FAXC: variants seen among roughly 807,000 people sequenced by gnomAD.
FAXC encodes failed axon connections homolog, metaxin like GST domain containing.
A neutral mutation model predicts 41.9 loss-of-function variants in FAXC; 10 were observed. That is an observed-to-expected ratio of 0.24 (90% CI 0.15 to 0.41). The LOEUF (loss-of-function observed/expected upper bound fraction) is 0.41, where lower values mean the gene tolerates loss of function less well. FAXC is among the 10% of genes least tolerant of loss of function. The probability of loss-of-function intolerance (pLI) is 1.00; values close to 1 mark genes in which losing one functional copy is unlikely to be tolerated. For synonymous variants in FAXC, 183 were observed against 183.8 expected (o/e 1.00, Z 0.03); for missense variants, 399 against 510.9 (o/e 0.78, Z 2.11).
intron 4 of FAXC, among the ~76,000 whole-genome samples, chr6:99,294,840 T>G (rs1771418789): frequency 2.0e-5 from 3 of 150,642 alleles, no homozygotes; most frequent in African/African-American, 7.4e-5. Context: ...AAAAATCATT[T>G]GAACCCACAC....
rs1772978673 is a variant in FAXC at position 99,330,127 on chromosome 6, T to C, written c.599+3224A>G. On this transcript the variant is annotated intron_variant, in intron 3 of 5. Transcript: ENST00000389677. ...CTCCTACCTCAGCTTCACAAAGTGC[T>C]GAGATTACAAGCACGAGCCACCACG... is the stretch of plus-strand genomic sequence containing the variant. 2.0e-5 allele frequency among the ~76,000 whole-genome samples: 3 copies of C among 152,168 alleles called. No homozygotes were observed. The South Asian group carries it at 6.2e-4, about 32-fold the overall frequency.
Position 99,283,090 on chromosome 6 carries a change from G to A in FAXC, c.941-1637C>T, listed in dbSNP as rs577711817. ...CTTTATGAATCCCCTATCACAGGTC[G>A]TTTAGGTTGTTTCCATATTAATGGT... On this transcript the variant is annotated intron_variant, in intron 5 of 5. Coordinates refer to ENST00000389677, the MANE Select transcript of FAXC (RefSeq NM_032511.4). Among the ~76,000 whole-genome samples, 15 of 152,226 alleles carry A rather than the reference G, an allele frequency of 9.9e-5. No individual in the cohort carries two copies. The South Asian group carries it at 2.7e-3, about 27-fold the overall frequency.
chr6:99,349,584 GC>G lies in FAXC; in HGVS notation c.-213del. 1 of 174,800 alleles carries G rather than the reference GC, an allele frequency of 5.7e-6. No homozygotes were observed. The highest frequency in any genetic ancestry group is 1.1e-5 in the Non-Finnish European group (1 of 88,310). 10.8% of individuals were successfully genotyped at this position (174,800 alleles called of 1,614,324 possible). On this transcript the variant is annotated 5_prime_UTR_variant, in exon 1 of 6. Coordinates refer to ENST00000389677, the MANE Select transcript of FAXC (RefSeq NM_032511.4). ...GCGGACGGCGGGCCTGGCCGGCGGG[GC>G]CCCAGAGCCCTGGGCGGCAGCAGCG...
At chr6:99,343,108 C>T (rs1773480452) in intron 1 of FAXC, 75 bp from the exon 2 acceptor site, 3 of 1,381,828 alleles carry the variant, frequency 2.2e-6, no homozygotes, top group Non-Finnish European at 2.0e-6. Context: ...CTTGAGAGGA[C>T]CCTGCAGGGT....
At chr6:99,323,771 A>G (rs1582667593) in intron 3 of FAXC, 104 bp from the exon 4 acceptor site, 1 of 802,194 alleles carries the variant, frequency 1.2e-6, no homozygotes, top group East Asian at 2.7e-5. Context: ...CTCTGGAGGA[A>G]CTGAATAACT....
intron 1 of FAXC, among the ~76,000 whole-genome samples, chr6:99,344,695 A>G (rs1381119724): frequency 1.3e-5 from 2 of 152,258 alleles, no homozygotes; most frequent in African/African-American, 2.4e-5. Context: ...GAACTCATTT[A>G]GACAATGTTC....
intron 2 of FAXC, among the ~76,000 whole-genome samples, chr6:99,339,992 T>C (rs1032437083): frequency 2.6e-5 from 4 of 152,200 alleles, no homozygotes; most frequent in South Asian, 4.1e-4. Flanking sequence ...AAACAGGATA[T>C]ATAAAGACCC....
intron 4 of FAXC, among the ~76,000 whole-genome samples, chr6:99,304,767 T>C (rs1450340472): frequency 6.6e-6 from 1 of 152,116 alleles, no homozygotes; most frequent in African/African-American, 2.4e-5. Flanking sequence ...GATGACAATG[T>C]CCACAGGCAA....
chr6:99,279,312 C>T lies in FAXC; in HGVS notation c.*1852G>A, dbSNP rs1461947278. The T allele has an allele frequency of 5.9e-5, 9 of 152,210 alleles. No individual in the cohort carries two copies. Among genetic ancestry groups the T allele is most frequent in the Non-Finnish European group, 1.0e-4 (7 of 68,046 alleles). The allele number at this position is 152,210 out of a possible 1,614,324, so 9.4% of individuals were successfully genotyped here. A position where few individuals can be genotyped will look rare whatever the true frequency, so the allele number is the denominator to read the frequency against. ...TTTCCCATGGAATAAGAATTTCTAACTTAGGGTATCTCAGCACGTATTCCC... is the reference window on the plus strand; with the variant it reads ...TTTCCCATGGAATAAGAATTTCTAATTTAGGGTATCTCAGCACGTATTCCC... On this transcript the variant is annotated 3_prime_UTR_variant, in exon 6 of 6. Coordinates refer to ENST00000389677, the MANE Select transcript of FAXC (RefSeq NM_032511.4).
intron 3 of FAXC, among the ~76,000 whole-genome samples, chr6:99,330,849 G>A (rs904048403): frequency 6.6e-6 from 1 of 152,188 alleles, no homozygotes; most frequent in Non-Finnish European, 1.5e-5. Flanking sequence ...TCCACAGGTA[G>A]ACATTTTGTG....
chr6:99,343,984 T>C (rs542956605), intron 1 of FAXC, among the ~76,000 whole-genome samples: 2 of 152,288 alleles, frequency 1.3e-5, no homozygotes, highest in South Asian at 2.1e-4. Context: ...CTTCCCTGCA[T>C]ACAGCTTTTC....
intron 5 of FAXC, among the ~76,000 whole-genome samples, chr6:99,290,101 CCACA>C (rs34319104): frequency 0.022 from 3,198 of 142,550 alleles, 49 homozygotes; most frequent in Non-Finnish European, 0.035. Flanking sequence ...CCCTACCCCA[CCACA>C]CACACACACA....
At chr6:99,338,202 A>G (rs748471270) in intron 2 of FAXC, among the ~76,000 whole-genome samples, 2 of 152,154 alleles carry the variant, frequency 1.3e-5, no homozygotes, top group Admixed American at 6.6e-5. Context: ...TACAGACTTC[A>G]CAGAAGAAAA....
intron 3 of FAXC, among the ~76,000 whole-genome samples, chr6:99,327,632 A>T (rs1772863523): frequency 6.6e-6 from 1 of 151,720 alleles, no homozygotes; most frequent in Non-Finnish European, 1.5e-5. Flanking sequence ...TCTAACTCAC[A>T]CCTATGACTT....
At position 99,303,377 on chromosome 6, in the gene FAXC, C is replaced by A. The variant is rs145464553; in HGVS notation, c.824-11557G>T. Among the ~76,000 whole-genome samples the A allele has an allele frequency of 2.3e-3, 356 of 152,290 alleles. 1 individual carries two copies. The highest frequency in any genetic ancestry group is 7.6e-3 in the African/African-American group (314 of 41,554). ...TAGTAAATGGCAACTATTTATAATA[C>A]CTTGCCCTTAAATATTTTAGACCAA... On this transcript the variant is annotated intron_variant, in intron 4 of 5. Transcript: ENST00000389677.
At chr6:99,342,423 T>G (rs915019087) in intron 2 of FAXC, among the ~76,000 whole-genome samples, 1 of 151,872 alleles carries the variant, frequency 6.6e-6, no homozygotes, top group African/African-American at 2.4e-5. Context: ...CGGCTCACTG[T>G]AACCTCTGCT....
rs112154793 is a variant in FAXC, at chr6:99,276,378, C to T, written c.*4786G>A. On this transcript the variant is annotated 3_prime_UTR_variant, in exon 6 of 6. Coordinates refer to ENST00000389677, the MANE Select transcript of FAXC (RefSeq NM_032511.4). ...GCTGGTTGCCCTATCCATGCAGAAG[C>T]GGTGGGTTTCAGGGCTGAAAGGAAG... 1 of 152,280 alleles carries T rather than the reference C, an allele frequency of 6.6e-6. No individual in the cohort carries two copies. The highest frequency in any genetic ancestry group is 2.4e-5 in the African/African-American group (1 of 41,558). 9.4% of individuals were successfully genotyped at this position (152,280 alleles called of 1,614,324 possible).
chr6:99,319,894 T>C (rs1772529445), intron 4 of FAXC, among the ~76,000 whole-genome samples: 1 of 152,234 alleles, frequency 6.6e-6, no homozygotes, highest in Admixed American at 6.5e-5. Flanking sequence ...AATTCTCTCA[T>C]TAACTGTAAT....
At chr6:99,307,751 T>C (rs1771983118) in intron 4 of FAXC, among the ~76,000 whole-genome samples, 1 of 151,980 alleles carries the variant, frequency 6.6e-6, no homozygotes, top group South Asian at 2.1e-4. Context: ...TGTGAGGTGC[T>C]GGACAAAAGG....
Sources: gnomAD v4.1 joint callset for allele counts (sites outside exome capture counted in the v4.1 genomes callset) on GRCh38, gnomAD v4.1.1 for gene constraint, MANE v1.5 for transcripts, NCBI Gene and HGNC (gene_info 2026-07-23, HGNC 2026-07-21) for gene names.